The following SYBU variants were observed in gnomAD, a reference collection of about 807,000 sequenced individuals.
SYBU encodes syntabulin.
SYBU carries 21 observed loss-of-function variants against 35.9 expected under a neutral mutation model. The ratio of observed to expected loss-of-function variants is 0.58; its 90% CI spans 0.41 to 0.84. The LOEUF is 0.84. Among genes scored for constraint, SYBU ranks in the 40% least tolerant of loss-of-function variants. SYBU has a pLI of 0.00. For missense variants in SYBU, 768 were observed against 848.2 expected (o/e 0.91, Z 1.17); for synonymous variants, 319 against 324.3 (o/e 0.98, Z 0.18).
intron 1 of SYBU, among the ~76,000 whole-genome samples, chr8:109,664,997 G>T (rs1000978251): frequency 3.3e-5 from 5 of 152,040 alleles, no homozygotes; most frequent in Non-Finnish European, 7.4e-5. Flanking sequence ...TTTTTTAAAT[G>T]CTTATTTGAT....
chr8:109,691,593 C>A lies in SYBU; in HGVS notation c.-318G>T, dbSNP rs957196842. ...GCAGCCAGCCGGGCGGCTGCTGGGG[C>A]TGAGGACAAAATGGAGAGAAGGGCG... On this transcript the variant is annotated 5_prime_UTR_variant, in exon 1 of 8. Transcript: ENST00000422135. The surrounding 1 kb of genome is among the most constrained non-coding windows in gnomAD (Gnocchi z 4.7). 1 of 431,546 alleles carries A rather than the reference C, an allele frequency of 2.3e-6. No homozygotes were observed. The highest frequency in any genetic ancestry group is 2.1e-5 in the African/African-American group (1 of 47,912). The allele number at this position is 431,546 out of a possible 1,614,324, so 26.7% of individuals were successfully genotyped here.
intron 3 of SYBU, among the ~76,000 whole-genome samples, chr8:109,614,212 C>A (rs968400594): frequency 2.6e-5 from 4 of 152,188 alleles, no homozygotes; most frequent in Admixed American, 2.6e-4. Flanking sequence ...TTAGTACTTC[C>A]CTTTGTAAAA....
chr8:109,686,373 T>C (rs945041978), intron 1 of SYBU, among the ~76,000 whole-genome samples: 7 of 152,224 alleles, frequency 4.6e-5, no homozygotes, highest in African/African-American at 1.7e-4. Context: ...ATATAAAGTT[T>C]ACGCTTTCAA....
At chr8:109,581,690 C>T (rs1009432264) in intron 4 of SYBU, among the ~76,000 whole-genome samples, 1 of 152,186 alleles carries the variant, frequency 6.6e-6, no homozygotes, top group African/African-American at 2.4e-5. Flanking sequence ...ATCCAACTGA[C>T]ATCTTAATGA....
chr8:109,593,865 G>A (rs911876322), intron 3 of SYBU, among the ~76,000 whole-genome samples: 1 of 152,176 alleles, frequency 6.6e-6, no homozygotes, highest in Non-Finnish European at 1.5e-5. Context: ...ACAGGTCTGG[G>A]AAAGGTTACA....
intron 1 of SYBU, among the ~76,000 whole-genome samples, chr8:109,689,488 AT>A (rs947077481): frequency 6.6e-6 from 1 of 151,532 alleles, no homozygotes; most frequent in African/African-American, 2.4e-5. Context: ...ATGTCCACCT[AT>A]TTTTTTTATA....
chr8:109,586,406 C>T (rs1362712738), intron 3 of SYBU: 2 of 490,566 alleles, frequency 4.1e-6, no homozygotes, highest in Non-Finnish European at 7.3e-6. Flanking sequence ...AGAGGCCAGT[C>T]TTCCTGCAGA....
At chr8:109,601,915 T>C (rs1448457408) in intron 3 of SYBU, among the ~76,000 whole-genome samples, 2 of 152,172 alleles carry the variant, frequency 1.3e-5, no homozygotes, top group Non-Finnish European at 2.9e-5. Context: ...GAGAGAACCA[T>C]AATGAGTTTT....
rs754244017 is a variant in SYBU, at chr8:109,575,499, C to T, written c.1399G>A (p.Val467Ile). The change falls in exon 7 of 7, where the codon GTC becomes ATC. Residue 467 changes from valine to isoleucine, a missense_variant. Coordinates refer to ENST00000276646, the MANE Select transcript of SYBU (RefSeq NM_001099754.2). Reference protein sequence around the residue: ...ELVHSTPGANVLELLPIVMGQ... With the variant: ...ELVHSTPGANILELLPIVMGQ... ...ATGACTATGGGCAGCAGCTCCAGGACGTTAGCCCCAGGGGTGGAATGCACA... is the reference window on the plus strand; with the variant it reads ...ATGACTATGGGCAGCAGCTCCAGGATGTTAGCCCCAGGGGTGGAATGCACA... 6 of 1,614,144 alleles carry T rather than the reference C, an allele frequency of 3.7e-6. No individual in the cohort carries two copies. The highest frequency in any genetic ancestry group is 3.3e-5 in the South Asian group (3 of 91,072).
At chr8:109,668,482 C>A (rs1325258769) in intron 1 of SYBU, among the ~76,000 whole-genome samples, 2 of 152,136 alleles carry the variant, frequency 1.3e-5, no homozygotes, top group African/African-American at 4.8e-5. Flanking sequence ...ATTACTATGA[C>A]TTGCTTTCCT....
rs1466165975 is a variant in SYBU at position 109,580,012 on chromosome 8, A to G, written c.531-10T>C. On this transcript the variant is annotated splice_polypyrimidine_tract_variant and intron_variant, in intron 4 of 6. Coordinates refer to ENST00000276646, the MANE Select transcript of SYBU (RefSeq NM_001099754.2). The stretch of plus-strand genomic sequence containing the variant: ...CCCATGAGGACCTCGACTGGGAGAA[A>G]AGAATGAAAAATGTTAAAATTCTTG... 1 of 1,611,274 alleles carries G rather than the reference A, an allele frequency of 6.2e-7. No homozygotes were observed. The highest frequency in any genetic ancestry group is 1.1e-5 in the South Asian group (1 of 90,994).
intron 1 of SYBU, chr8:109,680,105 T>C (rs1430018131): frequency 1.3e-5 from 2 of 152,242 alleles, no homozygotes; most frequent in Non-Finnish European, 2.9e-5. Flanking sequence ...ATTCAATTTG[T>C]ACAACTACAA....
chr8:109,588,844 G>A (rs889007871), intron 3 of SYBU, among the ~76,000 whole-genome samples: 1 of 151,970 alleles, frequency 6.6e-6, no homozygotes, highest in Non-Finnish European at 1.5e-5. Context: ...TTAAAATCAC[G>A]CACAGAGTAC....
At chr8:109,690,791 T>C (rs182575782) in intron 1 of SYBU, among the ~76,000 whole-genome samples, 50 of 152,276 alleles carry the variant, frequency 3.3e-4, no homozygotes, top group Middle Eastern at 6.8e-3. Context: ...AGCACATTAA[T>C]GGAAAATGGC....
At chr8:109,679,320 T>G (rs940056018) in intron 1 of SYBU, among the ~76,000 whole-genome samples, 2 of 152,202 alleles carry the variant, frequency 1.3e-5, no homozygotes, top group Non-Finnish European at 2.9e-5. Context: ...GCCATAAAAA[T>G]AGCCAACGAG....
intron 6 of SYBU, 127 bp from the exon 7 acceptor site, chr8:109,576,140 A>AAAT (rs1822287769): frequency 8.5e-7 from 1 of 1,181,534 alleles, no homozygotes; most frequent in Non-Finnish European, 1.1e-6. Flanking sequence ...CTTCCACTTG[A>AAAT]AATACAGATG....
intron 3 of SYBU, among the ~76,000 whole-genome samples, chr8:109,595,112 G>A (rs953885213): frequency 2.6e-5 from 4 of 152,052 alleles, no homozygotes; most frequent in Admixed American, 1.3e-4. Flanking sequence ...TTCTTCTTAT[G>A]ATTACCCTCT....
chr8:109,582,090 A>G lies in SYBU; in HGVS notation c.531-2088T>C, dbSNP rs182376687. 5.9e-5 allele frequency among the ~76,000 whole-genome samples: 9 copies of G among 152,326 alleles called. No individual in the cohort carries two copies. The East Asian group carries it at 1.7e-3, about 29-fold the overall frequency. Reference sequence around the variant, plus strand: ...ATTTCTTAATCTGATTATGAGAAATATGGAAGATTAGCTATTACACCTTAG... The same window carrying G: ...ATTTCTTAATCTGATTATGAGAAATGTGGAAGATTAGCTATTACACCTTAG... On this transcript the variant is annotated intron_variant, in intron 4 of 6. Transcript: ENST00000276646.
chr8:109,658,043 C>T (rs1045811567), intron 1 of SYBU, among the ~76,000 whole-genome samples: 3 of 152,166 alleles, frequency 2.0e-5, no homozygotes, highest in Non-Finnish European at 4.4e-5. Context: ...TTTCTTCATT[C>T]ACCAGTAAGC....
Sources: allele counts gnomAD v4.1 joint callset (sites outside exome capture counted in the v4.1 genomes callset), GRCh38; gene constraint gnomAD v4.1.1; non-coding constraint Gnocchi (gnomAD v3.1); transcripts MANE v1.5; gene names NCBI Gene and HGNC (gene_info 2026-07-23, HGNC 2026-07-21).